KCNIP4: variants seen among roughly 807,000 people sequenced by gnomAD.
KCNIP4 encodes the protein potassium voltage-gated channel interacting protein 4, also known as Kv channel-interacting protein 4.
KCNIP4 carries 12 observed loss-of-function variants against 34.0 expected under a neutral mutation model. That is an observed-to-expected ratio of 0.35 (90% CI 0.23 to 0.57). KCNIP4 has a LOEUF of 0.57. Ranked by LOEUF, KCNIP4 falls within the 20% of genes least tolerant of loss-of-function variation. The pLI is 0.83. For missense variants in KCNIP4, 238 were observed against 311.7 expected (o/e 0.76, Z 1.78); for synonymous variants, 124 against 102.2 (o/e 1.21, Z -1.29).
chr4:21,105,300 G>A (rs1374594921), intron 1 of KCNIP4, among the ~76,000 whole-genome samples: 4 of 151,562 alleles, frequency 2.6e-5, no homozygotes, highest in African/African-American at 9.8e-5. Context: ...TCTCCTTGAA[G>A]AGGTCCTTCA....
chr4:21,761,824 A>C (rs144140977), intron 1 of KCNIP4, among the ~76,000 whole-genome samples: 1 of 152,196 alleles, frequency 6.6e-6, no homozygotes, highest in Non-Finnish European at 1.5e-5. Flanking sequence ...CAAATGACCT[A>C]AATGTCTAAA....
intron 1 of KCNIP4, among the ~76,000 whole-genome samples, chr4:21,288,671 G>C (rs959390464): frequency 6.6e-6 from 1 of 152,122 alleles, no homozygotes; most frequent in Non-Finnish European, 1.5e-5. Context: ...GTAAGTTCTT[G>C]GGCCTGGGTT....
intron 1 of KCNIP4, among the ~76,000 whole-genome samples, chr4:21,019,848 G>C (rs1739886671): frequency 6.6e-6 from 1 of 152,078 alleles, no homozygotes; most frequent in African/African-American, 2.4e-5. Context: ...ATATGATAAG[G>C]TTGAAAAGGA....
At chr4:21,838,207 T>C (rs1250928979) in intron 1 of KCNIP4, among the ~76,000 whole-genome samples, 2 of 152,166 alleles carry the variant, frequency 1.3e-5, no homozygotes, top group Non-Finnish European at 2.9e-5. Context: ...AACTCTTTAA[T>C]CTTCAACCCC....
intron 1 of KCNIP4, among the ~76,000 whole-genome samples, chr4:21,156,182 T>C (rs1753134011): frequency 6.6e-6 from 1 of 152,142 alleles, no homozygotes; most frequent in African/African-American, 2.4e-5. Flanking sequence ...AGAATCCTAT[T>C]AGATGGCAGC....
chr4:21,017,180 T>C (rs974514838), intron 1 of KCNIP4, among the ~76,000 whole-genome samples: 1 of 152,222 alleles, frequency 6.6e-6, no homozygotes, highest in Non-Finnish European at 1.5e-5. Context: ...GTCAATAAAA[T>C]ATAAATTATT....
intron 1 of KCNIP4, among the ~76,000 whole-genome samples, chr4:21,647,609 A>T (rs757151931): frequency 9.8e-5 from 15 of 152,294 alleles, no homozygotes; most frequent in Non-Finnish European, 1.8e-4. Context: ...ACAAAAAAGA[A>T]CAATTAGCCA....
chr4:21,659,777 G>A (rs1426218882), intron 1 of KCNIP4, among the ~76,000 whole-genome samples: 2 of 152,042 alleles, frequency 1.3e-5, no homozygotes, highest in African/African-American at 4.8e-5. Flanking sequence ...TACCTTACTT[G>A]TTATTCCTCA....
intron 1 of KCNIP4, among the ~76,000 whole-genome samples, chr4:21,757,740 T>C (rs1238493262): frequency 6.6e-6 from 1 of 152,206 alleles, no homozygotes; most frequent in Admixed American, 6.5e-5. Flanking sequence ...TATGACCCCA[T>C]TCAATAAGTG....
chr4:20,729,981 A>AGTGTC lies in KCNIP4; in HGVS notation c.*96_*100dup, dbSNP rs950231425. ...AAAGCTTGTTTGCATAATATGCTTC[A>AGTGTC]GTGTCAAGCTGAGCAATCTATGCTA... is the stretch of plus-strand genomic sequence containing the variant. On this transcript the variant is annotated 3_prime_UTR_variant, in exon 9 of 9. Transcript: ENST00000382152. 3.8e-6 allele frequency: 5 copies of AGTGTC among 1,317,102 alleles called. No individual in the cohort carries two copies. Among genetic ancestry groups the AGTGTC allele is most frequent in the Non-Finnish European group, 5.1e-6 (5 of 978,866 alleles). 81.6% of individuals were successfully genotyped at this position (1,317,102 alleles called of 1,614,324 possible). A position where few individuals can be genotyped will look rare whatever the true frequency, so the allele number is the denominator to read the frequency against.
chr4:21,462,125 A>G (rs533136111), intron 1 of KCNIP4, among the ~76,000 whole-genome samples: 1 of 152,186 alleles, frequency 6.6e-6, no homozygotes, highest in South Asian at 2.1e-4. Context: ...CTACTGTGCA[A>G]TAGAACACCA....
At chr4:21,236,077 T>C (rs1481266138) in intron 1 of KCNIP4, among the ~76,000 whole-genome samples, 1 of 152,108 alleles carries the variant, frequency 6.6e-6, no homozygotes, top group Non-Finnish European at 1.5e-5. Flanking sequence ...GGCAGATCGC[T>C]TGAGTTCAGG....
intron 1 of KCNIP4, among the ~76,000 whole-genome samples, chr4:21,897,028 T>C (rs189963661): frequency 1.3e-5 from 2 of 152,126 alleles, no homozygotes; most frequent in East Asian, 1.9e-4. Flanking sequence ...CTATAGTGTA[T>C]AGATTGGATG....
intron 1 of KCNIP4, among the ~76,000 whole-genome samples, chr4:21,874,058 A>G (rs1181449429): frequency 6.6e-6 from 1 of 152,246 alleles, no homozygotes; most frequent in Non-Finnish European, 1.5e-5. Context: ...TATTACATTC[A>G]CTGTGACTGA....
chr4:21,389,724 C>T (rs1722375343), intron 1 of KCNIP4, among the ~76,000 whole-genome samples: 3 of 151,908 alleles, frequency 2.0e-5, no homozygotes, highest in Non-Finnish European at 4.4e-5. Context: ...GCGTTGGTTC[C>T]AAGTCTTTTC....
At chr4:21,885,470 G>C (rs140847320) in intron 1 of KCNIP4, among the ~76,000 whole-genome samples, 134 of 152,084 alleles carry the variant, frequency 8.8e-4, no homozygotes, top group African/African-American at 2.8e-3. Context: ...CTCTTTCTTT[G>C]TCTTGTAGCC....
chr4:21,110,119 GA>G (rs1749025140), intron 1 of KCNIP4, among the ~76,000 whole-genome samples: 1 of 152,136 alleles, frequency 6.6e-6, no homozygotes. Flanking sequence ...AATCAGATTA[GA>G]AATTAGATCT....
At chr4:21,528,535 C>A (rs927192797) in intron 1 of KCNIP4, among the ~76,000 whole-genome samples, 1 of 151,288 alleles carries the variant, frequency 6.6e-6, no homozygotes, top group Non-Finnish European at 1.5e-5. Context: ...GGTGTGGTGG[C>A]GGGCGCCTAT....
intron 1 of KCNIP4, among the ~76,000 whole-genome samples, chr4:20,984,351 G>T (rs1277715408): frequency 6.6e-6 from 1 of 152,236 alleles, no homozygotes; most frequent in Non-Finnish European, 1.5e-5. Flanking sequence ...AGGCTGGGCA[G>T]ATCTGTCTGC....
Sources: allele counts gnomAD v4.1 joint callset (sites outside exome capture counted in the v4.1 genomes callset), GRCh38; gene constraint gnomAD v4.1.1; transcripts MANE v1.5; gene names NCBI Gene and HGNC (gene_info 2026-07-23, HGNC 2026-07-21).